The following SMAD7 variants were observed in gnomAD, a reference collection of about 807,000 sequenced individuals.
The protein encoded by SMAD7 is SMAD family member 7, also known as MAD (mothers against decapentaplegic, Drosophila) homolog 7.
Under a neutral mutation model 38.7 loss-of-function variants are expected in SMAD7, and 8 were observed. That is an observed-to-expected ratio of 0.21 (90% CI 0.12 to 0.37). SMAD7 has a LOEUF of 0.37. SMAD7 is among the 10% of genes least tolerant of loss of function. The pLI is 1.00. For synonymous variants in SMAD7, 327 were observed against 265.1 expected (o/e 1.23, Z -2.27); for missense variants, 477 against 577.9 (o/e 0.83, Z 1.79).
At chr18:48,937,085 A>T (rs922362911) in intron 3 of SMAD7, among the ~76,000 whole-genome samples, 5 of 142,644 alleles carry the variant, frequency 3.5e-5, no homozygotes, top group African/African-American at 1.4e-4. Context: ...TCTCGAATTA[A>T]AAAAAAAAAA....
At chr18:48,943,972 G>A (rs962785224) in intron 2 of SMAD7, among the ~76,000 whole-genome samples, 3 of 152,156 alleles carry the variant, frequency 2.0e-5, no homozygotes, top group African/African-American at 7.2e-5. Flanking sequence ...GTGGGGGTGA[G>A]GTGGCTGCGG....
At chr18:48,926,810 A>C (rs1387078151) in intron 3 of SMAD7, among the ~76,000 whole-genome samples, 1 of 152,092 alleles carries the variant, frequency 6.6e-6, no homozygotes, top group Non-Finnish European at 1.5e-5. Context: ...GGTTAACAGC[A>C]CCCATCCCCT....
Position 48,937,435 on chromosome 18 carries a change from G to A in SMAD7, c.742+5046C>T, listed in dbSNP as rs557793078. 4.6e-4 allele frequency among the ~76,000 whole-genome samples: 70 copies of A among 152,322 alleles called. 2 individuals are homozygous for A. The South Asian group carries it at 0.013, about 28-fold the overall frequency. ...TGGGGACAGGATGCGTGAGGCGGCA[G>A]CAGACCATCTTGTCTGGCCGGCAGA... On this transcript the variant is annotated intron_variant, in intron 3 of 3. Transcript: ENST00000262158.
chr18:48,948,752 C>T (rs957687153), intron 1 of SMAD7, among the ~76,000 whole-genome samples: 2 of 152,252 alleles, frequency 1.3e-5, no homozygotes, highest in East Asian at 1.9e-4. Context: ...ACCATGCCCC[C>T]TCCCCGTCCT....
At chr18:48,923,306 A>T (rs2069886137) in intron 3 of SMAD7, among the ~76,000 whole-genome samples, 2 of 152,138 alleles carry the variant, frequency 1.3e-5, no homozygotes, top group Admixed American at 1.3e-4. Flanking sequence ...AACTGGGTTC[A>T]GAGTCAATGA....
Position 48,921,750 on chromosome 18 carries a change from G to T in SMAD7, c.903C>A (p.Leu301=), listed in dbSNP as rs376439212. The change falls in exon 4 of 4, where the codon CTC becomes CTA. Residue 301 remains leucine (L), a synonymous_variant. Transcript: ENST00000262158. This position sits in a 1 kb window ranked among gnomAD's most constrained non-coding sequence, Gnocchi z 6.4. ...PQGNGFCLGQ[L]NSDNKSQLVQ... ...CCAGCTGACTCTTGTTGTCCGAATT[G>T]AGCTGTCCGAGGCAAAAGCCATTCC... 1 of 1,614,174 alleles carries T rather than the reference G, an allele frequency of 6.2e-7. No individual in the cohort carries two copies. Among genetic ancestry groups the T allele is most frequent in the East Asian group, 2.2e-5 (1 of 44,884 alleles).
At chr18:48,936,535 G>C (rs764858054) in intron 3 of SMAD7, among the ~76,000 whole-genome samples, 3 of 152,206 alleles carry the variant, frequency 2.0e-5, no homozygotes, top group Non-Finnish European at 2.9e-5. Flanking sequence ...ACCATGTATA[G>C]TTAATAATAG....
Position 48,921,981 on chromosome 18 carries a change from C to T in SMAD7, c.743-71G>A. Reference sequence around the variant, plus strand: ...TGACTCCTAGAATGAAGACACCCGCCCCCCCACTGCACCCAGTCACCAGCT... The same window carrying T: ...TGACTCCTAGAATGAAGACACCCGCTCCCCCACTGCACCCAGTCACCAGCT... On this transcript the variant is annotated intron_variant, in intron 3 of 3. Coordinates refer to ENST00000262158, the MANE Select transcript of SMAD7 (RefSeq NM_005904.4). The surrounding 1 kb of genome is among the most constrained non-coding windows in gnomAD (Gnocchi z 6.4). 2 of 1,175,050 alleles carry T rather than the reference C, an allele frequency of 1.7e-6. No individual in the cohort carries two copies. Among genetic ancestry groups the T allele is most frequent in the Admixed American group, 2.3e-5 (1 of 42,734 alleles). 72.8% of individuals were successfully genotyped at this position (1,175,050 alleles called of 1,614,324 possible). A position where few individuals can be genotyped will look rare whatever the true frequency, so the allele number is the denominator to read the frequency against.
chr18:48,922,450 G>A (rs560775788), intron 3 of SMAD7, among the ~76,000 whole-genome samples: 3 of 152,232 alleles, frequency 2.0e-5, no homozygotes, highest in East Asian at 1.9e-4. Context: ...CCACCTATGC[G>A]ATGGTCTCTG....
In SMAD7 at chr18:48,921,711, C is replaced by T. The variant is rs139969232; in HGVS notation, c.942G>A (p.Arg314=). The T allele has an allele frequency of 3.0e-4, 484 of 1,613,970 alleles. No homozygotes were observed. Among genetic ancestry groups the T allele is most frequent in the Non-Finnish European group, 4.0e-4 (470 of 1,180,006 alleles). ...GCTGGATGCCGCAGCCGATTTTGCT[C>T]CGCACCTTCTGCACCAGCTGACTCT... The part of the protein sequence containing the change: ...DNKSQLVQKV[R]SKIGCGIQLT... The change falls in exon 4 of 4, where the codon CGG becomes CGA. Residue 314 remains arginine (R), a synonymous_variant. Coordinates refer to ENST00000262158, the MANE Select transcript of SMAD7 (RefSeq NM_005904.4). The surrounding 1 kb of genome is among the most constrained non-coding windows in gnomAD (Gnocchi z 6.4).
Position 48,950,185 on chromosome 18 carries a change from C to A in SMAD7, c.240G>T (p.Ala80=). The A allele has an allele frequency of 2.0e-6, 3 of 1,484,588 alleles. No homozygotes were observed. The highest frequency in any genetic ancestry group is 1.3e-5 in the South Asian group (1 of 78,146). 92.0% of individuals were successfully genotyped at this position (1,484,588 alleles called of 1,614,324 possible). ...CGGCGCCCCCGGCCGCGCCGGCGCC[C>A]GCGGCTGGCGGGTGGGGATGGTGGT... ...KGHHHPHPPA[A]GAGAAGGAEA... is the part of the protein sequence containing the mutation. Residue 80 remains alanine (A), a synonymous_variant, in exon 1 of 4, where the codon GCG becomes GCT. Transcript: ENST00000262158.
intron 2 of SMAD7, 62 bp from the exon 3 acceptor site, chr18:48,942,617 CT>C: frequency 6.2e-7 from 1 of 1,610,622 alleles, no homozygotes; most frequent in Non-Finnish European, 8.5e-7. Context: ...CAAGATCCAT[CT>C]TTAAGCACGC....
In SMAD7 at chr18:48,950,694, G is replaced by T. The variant is rs907611788; in HGVS notation, c.-270C>A. 1.4e-5 allele frequency: 2 copies of T among 147,764 alleles called. No individual in the cohort carries two copies. Among genetic ancestry groups the T allele is most frequent in the African/African-American group, 4.9e-5 (2 of 40,924 alleles). The allele number at this position is 147,764 out of a possible 1,614,324, so 9.2% of individuals were successfully genotyped here. ...GGCTGCCCCACCCCGCGCGGCCCGC[G>T]CCCTGCGCGGCTCTCCGGCCCCGGC... On this transcript the variant is annotated 5_prime_UTR_variant, in exon 1 of 4. Transcript: ENST00000262158.
At chr18:48,932,412 A>G (rs1317260909) in intron 3 of SMAD7, among the ~76,000 whole-genome samples, 4 of 152,194 alleles carry the variant, frequency 2.6e-5, no homozygotes, top group Non-Finnish European at 4.4e-5. Flanking sequence ...AAATGAGCAC[A>G]CAGTCGCTGG....
intron 1 of SMAD7, 185 bp from the exon 2 acceptor site, chr18:48,948,622 C>T (rs2070224354): frequency 4.7e-6 from 2 of 428,748 alleles, no homozygotes; most frequent in Admixed American, 4.8e-5. Flanking sequence ...CCGCCTGGCG[C>T]CAGCCTCGGC....
rs769544485 is a variant in SMAD7 at position 48,942,557 on chromosome 18, T to C, written c.668-2A>G. 3.1e-6 allele frequency: 5 copies of C among 1,613,752 alleles called. No homozygotes were observed. The highest frequency in any genetic ancestry group is 3.4e-6 in the Non-Finnish European group (4 of 1,179,814). On this transcript the variant is annotated splice_acceptor_variant, in intron 2 of 3. Transcript: ENST00000262158. LOFTEE classifies it high-confidence loss of function. The stretch of plus-strand genomic sequence containing the variant: ...AAGGCACAGCATCTGGACAGTCTGC[T>C]GTGGATTTGAAAAGGGGAGAGAAAG...
intron 3 of SMAD7, among the ~76,000 whole-genome samples, chr18:48,940,866 C>A (rs1376869144): frequency 6.6e-6 from 1 of 151,768 alleles, no homozygotes; most frequent in East Asian, 1.9e-4. Context: ...GGTCACATGG[C>A]ACGGGCGGGT....
chr18:48,950,366 C>A lies in SMAD7; in HGVS notation c.59G>T (p.Gly20Val). The change falls in exon 1 of 4, where the codon GGC (glycine) becomes GTC (valine). Residue 20 changes from glycine to valine, a missense_variant. This residue lies in a region of SMAD7 where 376 missense variants were observed against 379.4 expected (regional missense o/e 0.99). Transcript: ENST00000262158. ...VRRLWRSRAP[G>V]GEDEEEGAGG... ...TGCGCCCTCCTCCTCGTCCTCGCCG[C>A]CGGGCGCACGGCTCCTCCAGAGACG... The A allele has an allele frequency of 1.9e-6, 3 of 1,542,642 alleles. No homozygotes were observed.
intron 3 of SMAD7, among the ~76,000 whole-genome samples, chr18:48,939,113 C>T (rs572339359): frequency 3.9e-5 from 6 of 152,200 alleles, no homozygotes; most frequent in South Asian, 2.1e-4. Context: ...TGTTTGCGCA[C>T]GGGATTGTCT....
Sources: allele counts gnomAD v4.1 joint callset (sites outside exome capture counted in the v4.1 genomes callset), GRCh38; gene constraint gnomAD v4.1.1; regional missense constraint gnomAD v4.1.1; non-coding constraint Gnocchi (gnomAD v3.1); transcripts MANE v1.5; gene names NCBI Gene and HGNC (gene_info 2026-07-23, HGNC 2026-07-21).